CTNNA3: variants seen among roughly 807,000 people sequenced by gnomAD.
CTNNA3 encodes catenin alpha-3.
A neutral mutation model predicts 95.7 loss-of-function variants in CTNNA3; 76 were observed. The observed-to-expected ratio is 0.79, with a 90% CI of 0.66 to 0.96. The LOEUF (loss-of-function observed/expected upper bound fraction) is 0.96. CTNNA3 is among the 40% of genes least tolerant of loss of function. The pLI is 0.00. For synonymous variants in CTNNA3, 431 were observed against 374.4 expected (o/e 1.15, Z -1.74); for missense variants, 1,191 against 1,089.8 (o/e 1.09, Z -1.31).
intron 1 of CTNNA3, among the ~76,000 whole-genome samples, chr10:67,738,481 G>C (rs977944280): frequency 1.3e-5 from 2 of 152,142 alleles, no homozygotes; most frequent in Non-Finnish European, 2.9e-5. Flanking sequence ...AAACCACAAA[G>C]ATGGGGAAAA....
intron 13 of CTNNA3, among the ~76,000 whole-genome samples, chr10:66,157,086 T>C (rs2084548061): frequency 6.6e-6 from 1 of 151,946 alleles, no homozygotes; most frequent in Non-Finnish European, 1.5e-5. Flanking sequence ...CAAGTGGTAT[T>C]GGTTACATCA....
chr10:66,714,484 C>G (rs1007210209), intron 9 of CTNNA3, among the ~76,000 whole-genome samples: 5 of 152,096 alleles, frequency 3.3e-5, no homozygotes, highest in African/African-American at 1.2e-4. Flanking sequence ...TATTTAGACC[C>G]TTCATCACTG....
chr10:65,973,979 A>C (rs1402117725), intron 16 of CTNNA3, among the ~76,000 whole-genome samples: 3 of 152,174 alleles, frequency 2.0e-5, no homozygotes, highest in Admixed American at 2.0e-4. Flanking sequence ...GTGGCCAACC[A>C]ATGTGAAAAA....
intron 14 of CTNNA3, among the ~76,000 whole-genome samples, chr10:66,077,723 A>C (rs2133628974): frequency 6.7e-6 from 1 of 148,780 alleles, no homozygotes; most frequent in South Asian, 2.1e-4. Context: ...CAAGATGCTG[A>C]TGTGAGCAGG....
intron 5 of CTNNA3, among the ~76,000 whole-genome samples, chr10:67,451,274 T>A (rs1342037165): frequency 6.6e-6 from 1 of 152,120 alleles, no homozygotes; most frequent in Non-Finnish European, 1.5e-5. Context: ...ATAAATATGT[T>A]TTCTTTATAA....
At chr10:67,079,856 AAAACACACACACACAC>A (rs1333856089) in intron 7 of CTNNA3, among the ~76,000 whole-genome samples, 1 of 124,184 alleles carries the variant, frequency 8.1e-6, no homozygotes, top group Non-Finnish European at 1.7e-5. Context: ...TCAAAAAAAC[AAAACACACACACACAC>A]ACACACACAC....
In CTNNA3 at chr10:65,920,579, A is replaced by T. The variant is rs777374255; in HGVS notation, c.2439T>A (p.Asn813Lys). The change falls in exon 18 of 18, where the codon AAT (asparagine) becomes AAA (lysine). Residue 813 changes from asparagine (N) to lysine (K), a missense_variant. Coordinates refer to ENST00000433211, the MANE Select transcript of CTNNA3 (RefSeq NM_013266.4). ...SVTSLIQAAK[N>K]LMNAVVQTVK... ...CTGTTTGCACTACAGCATTCATTAA[A>T]TTTTTGGCTGCTTGGATCAGGGATG... 6.2e-7 allele frequency: 1 copy of T among 1,614,144 alleles called. No individual in the cohort carries two copies.
chr10:66,971,721 C>T (rs1849734382), intron 7 of CTNNA3, among the ~76,000 whole-genome samples: 1 of 152,112 alleles, frequency 6.6e-6, no homozygotes, highest in Non-Finnish European at 1.5e-5. Flanking sequence ...ACTGAATTTG[C>T]AGGCAATTCC....
intron 15 of CTNNA3, among the ~76,000 whole-genome samples, chr10:66,027,009 G>T (rs1397953119): frequency 6.6e-6 from 1 of 151,884 alleles, no homozygotes. Context: ...AAGTTAAATA[G>T]ATAAAATAAA....
chr10:67,692,736 TAAAA>T (rs200961420), intron 1 of CTNNA3, among the ~76,000 whole-genome samples: 2 of 80,840 alleles, frequency 2.5e-5, no homozygotes, highest in African/African-American at 4.7e-5. Flanking sequence ...GAATGATCAA[TAAAA>T]AAAAAAAAAA....
chr10:67,010,516 A>C (rs921534860), intron 7 of CTNNA3, among the ~76,000 whole-genome samples: 1 of 152,160 alleles, frequency 6.6e-6, no homozygotes, highest in African/African-American at 2.4e-5. Context: ...GCTATCCTGT[A>C]GGTATTAGAT....
At chr10:66,699,728 C>A (rs1389816330) in intron 9 of CTNNA3, among the ~76,000 whole-genome samples, 7 of 150,126 alleles carry the variant, frequency 4.7e-5, no homozygotes, top group African/African-American at 1.7e-4. Context: ...AAGTCATGAT[C>A]TCAGCTCACA....
intron 5 of CTNNA3, among the ~76,000 whole-genome samples, chr10:67,446,362 T>C (rs1389536880): frequency 2.6e-5 from 4 of 152,142 alleles, no homozygotes; most frequent in Non-Finnish European, 5.9e-5. Flanking sequence ...ATGCAGCAGA[T>C]AGGGTTTCCT....
chr10:66,140,244 A>G (rs754692624), intron 13 of CTNNA3, among the ~76,000 whole-genome samples: 78 of 152,294 alleles, frequency 5.1e-4, no homozygotes, highest in Admixed American at 8.5e-4. Flanking sequence ...AGGAAATGCA[A>G]TTTAACTTAA....
chr10:66,442,952 C>G (rs969165028), intron 11 of CTNNA3, among the ~76,000 whole-genome samples: 1 of 152,154 alleles, frequency 6.6e-6, no homozygotes, highest in African/African-American at 2.4e-5. Flanking sequence ...CAGGTCACTC[C>G]CACCCTAATA....
At chr10:67,268,963 C>G (rs746583274) in intron 5 of CTNNA3, among the ~76,000 whole-genome samples, 4 of 152,030 alleles carry the variant, frequency 2.6e-5, no homozygotes, top group Admixed American at 6.6e-5. Flanking sequence ...TTCAGAGAAC[C>G]GTGGTCATTG....
intron 7 of CTNNA3, among the ~76,000 whole-genome samples, chr10:66,832,504 C>A (rs1466365707): frequency 6.6e-6 from 1 of 151,658 alleles, no homozygotes; most frequent in Non-Finnish European, 1.5e-5. Context: ...ATTTACTAAG[C>A]CAACAAAATT....
At chr10:66,677,883 C>A (rs1045594943) in intron 9 of CTNNA3, among the ~76,000 whole-genome samples, 3 of 148,024 alleles carry the variant, frequency 2.0e-5, no homozygotes, top group Non-Finnish European at 3.0e-5. Context: ...AATGGACTGA[C>A]CAGAACTGGA....
At chr10:67,327,439 T>A (rs1841584230) in intron 5 of CTNNA3, among the ~76,000 whole-genome samples, 1 of 152,168 alleles carries the variant, frequency 6.6e-6, no homozygotes, top group South Asian at 2.1e-4. Flanking sequence ...GAAGTTTGAT[T>A]GTGGTATAAA....
Sources: allele counts gnomAD v4.1 joint callset (sites outside exome capture counted in the v4.1 genomes callset), GRCh38; gene constraint gnomAD v4.1.1; transcripts MANE v1.5; gene names NCBI Gene and HGNC (gene_info 2026-07-23, HGNC 2026-07-21).